Variants in MEF2A observed in about 807,000 individuals in gnomAD.
MEF2A encodes myocyte enhancer factor 2A.
MEF2A carries 28 observed loss-of-function variants against 55.8 expected under a neutral mutation model. That is an observed-to-expected ratio of 0.50 (90% CI 0.37 to 0.69). The LOEUF (loss-of-function observed/expected upper bound fraction) is 0.69, where lower values mean the gene tolerates loss of function less well. Among genes scored for constraint, MEF2A ranks in the 30% least tolerant of loss-of-function variants. MEF2A has a pLI of 0.00. For synonymous variants in MEF2A, 239 were observed against 227.1 expected, an observed-to-expected ratio of 1.05 and a Z score of -0.47; for missense variants, 528 against 626.2, an observed-to-expected ratio of 0.84 and a Z score of 1.67.
chr15:99,710,900 G>A, intron 11 of MEF2A, 140 bp downstream of exon 11: 9 of 1,033,374 alleles, frequency 8.7e-6, no homozygotes, highest in Middle Eastern at 2.3e-4. Flanking sequence ...ACAAGTGTCG[G>A]GAGAAAATAT....
At chr15:99,691,557 G>A (rs2055461314) in intron 8 of MEF2A, among the ~76,000 whole-genome samples, 1 of 152,180 alleles carries the variant, frequency 6.6e-6, no homozygotes, top group Admixed American at 6.5e-5. Flanking sequence ...AATTAGCCGG[G>A]CGTGGTGGCG....
chr15:99,651,852 A>G (rs370693587), intron 4 of MEF2A, among the ~76,000 whole-genome samples: 2 of 152,314 alleles, frequency 1.3e-5, no homozygotes, highest in East Asian at 3.9e-4. Flanking sequence ...TGTCATTGAT[A>G]CACAAATGAG....
At chr15:99,678,188 A>G (rs868652512) in intron 7 of MEF2A, among the ~76,000 whole-genome samples, 1 of 152,162 alleles carries the variant, frequency 6.6e-6, no homozygotes, top group Non-Finnish European at 1.5e-5. Context: ...ATTTAGAATT[A>G]TATTTCTTAA....
chr15:99,671,694 G>T, intron 5 of MEF2A: 1 of 1,494,272 alleles, frequency 6.7e-7, no homozygotes, highest in East Asian at 2.4e-5. Flanking sequence ...TTTATCTTGT[G>T]CATGAAGAGA....
In MEF2A at chr15:99,706,819, C is replaced by A; in HGVS notation, c.973C>A (p.Leu325Ile). 6.2e-7 allele frequency: 1 copy of A among 1,614,058 alleles called. No homozygotes were observed. Among genetic ancestry groups the A allele is most frequent in the Non-Finnish European group, 8.5e-7 (1 of 1,179,910 alleles). ...VTTPSLPPQG[L>I]VYSAMPTAYN... is the part of the protein sequence containing the mutation. ...AACCCCAAGCTTGCCTCCGCAAGGA[C>A]TTGTGTACTCAGCAATGCCGACTGC... Residue 325 changes from leucine (L) to isoleucine (I), a missense_variant, in exon 10 of 12, where the codon CTT (leucine) becomes ATT (isoleucine). This residue lies in a region of MEF2A where 450 missense variants were observed against 475.3 expected (regional missense o/e 0.95). Transcript: ENST00000557942.
At chr15:99,625,055 G>A (rs1457784280) in intron 2 of MEF2A, among the ~76,000 whole-genome samples, 1 of 152,158 alleles carries the variant, frequency 6.6e-6, no homozygotes, top group Middle Eastern at 3.2e-3. Context: ...TAATGTAAGT[G>A]TTCTGAGCAC....
chr15:99,692,692 GA>G (rs2055717051), intron 8 of MEF2A, among the ~76,000 whole-genome samples: 1 of 152,182 alleles, frequency 6.6e-6, no homozygotes, highest in Non-Finnish European at 1.5e-5. Context: ...AGAAGCTCCT[GA>G]AAAGGTCTCG....
At chr15:99,663,881 A>G (rs145600214) in intron 4 of MEF2A, among the ~76,000 whole-genome samples, 147 of 152,274 alleles carry the variant, frequency 9.7e-4, no homozygotes, top group African/African-American at 3.3e-3. Flanking sequence ...GAGGTTTAGT[A>G]TATAAACCAG....
At chr15:99,571,547 T>C (rs1474615586) in intron 1 of MEF2A, among the ~76,000 whole-genome samples, 7 of 152,178 alleles carry the variant, frequency 4.6e-5, no homozygotes, top group Non-Finnish European at 1.0e-4. Flanking sequence ...TTCTATGCCC[T>C]AGTCAAAGCC....
chr15:99,710,812 C>CT, intron 11 of MEF2A, 52 bp downstream of exon 11: 3 of 1,555,086 alleles, frequency 1.9e-6, no homozygotes, highest in Non-Finnish European at 2.6e-6. Flanking sequence ...TACACACTCT[C>CT]TTTTCCTATC....
chr15:99,687,084 C>CTTTTTTTTTTTTTT lies in MEF2A; in HGVS notation c.671-3145_671-3132dup, dbSNP rs71149484. ...ACACCACCATGTCCTATTAATTTTTCTTTTTTTTTTTTTTTTTTTTTTTTT... is the reference window on the plus strand; with the variant it reads ...ACACCACCATGTCCTATTAATTTTTCTTTTTTTTTTTTTTTTTTTTTTTTTTTTTTTTTTTTTTT... On this transcript the variant is annotated intron_variant, in intron 7 of 11. Coordinates refer to ENST00000557942, the MANE Select transcript of MEF2A (RefSeq NM_001319206.4). Among the ~76,000 whole-genome samples the CTTTTTTTTTTTTTT allele has an allele frequency of 1.6e-3, 106 of 67,752 alleles. 6 individuals are homozygous for CTTTTTTTTTTTTTT. The highest frequency in any genetic ancestry group is 1.8e-3 in the Non-Finnish European group (70 of 38,652). 44.4% of individuals were successfully genotyped at this position (67,752 alleles called of 152,430 possible). A position where few individuals can be genotyped will look rare whatever the true frequency, so the allele number is the denominator to read the frequency against.
At chr15:99,695,003 G>A (rs966642546) in intron 8 of MEF2A, among the ~76,000 whole-genome samples, 19 of 149,840 alleles carry the variant, frequency 1.3e-4, no homozygotes, top group Non-Finnish European at 2.1e-4. Flanking sequence ...TTCAGGGGGA[G>A]CAGGCGCTTT....
intron 8 of MEF2A, among the ~76,000 whole-genome samples, chr15:99,695,963 A>G (rs1436942983): frequency 6.6e-6 from 1 of 152,200 alleles, no homozygotes; most frequent in African/African-American, 2.4e-5. Context: ...ACCAAAAAGA[A>G]AGCTAAAGCA....
At chr15:99,629,694 A>C in intron 2 of MEF2A, among the ~76,000 whole-genome samples, 1 of 152,182 alleles carries the variant, frequency 6.6e-6, no homozygotes, top group Non-Finnish European at 1.5e-5. Context: ...TATGAGTTAA[A>C]GAATAAAAGA....
chr15:99,625,577 T>A (rs1303137587), intron 2 of MEF2A, among the ~76,000 whole-genome samples: 3 of 152,190 alleles, frequency 2.0e-5, no homozygotes, highest in Non-Finnish European at 4.4e-5. Context: ...AGGCTTTCAG[T>A]CTTTGATCAT....
chr15:99,605,818 A>T (rs898266460), intron 2 of MEF2A, among the ~76,000 whole-genome samples: 3 of 152,142 alleles, frequency 2.0e-5, no homozygotes, highest in African/African-American at 7.2e-5. Flanking sequence ...AAAAAATACA[A>T]AATTAGCCAG....
chr15:99,649,216 G>A (rs1013451449), intron 4 of MEF2A, among the ~76,000 whole-genome samples: 7 of 152,104 alleles, frequency 4.6e-5, no homozygotes, highest in Non-Finnish European at 1.0e-4. Flanking sequence ...GCAGTGTCTT[G>A]AGGATGTATA....
intron 1 of MEF2A, among the ~76,000 whole-genome samples, chr15:99,591,878 A>G (rs1024622419): frequency 6.6e-6 from 1 of 152,082 alleles, no homozygotes; most frequent in Non-Finnish European, 1.5e-5. Flanking sequence ...AAAATCGTTT[A>G]ATATATTTAT....
chr15:99,647,949 T>G (rs1023672640), intron 4 of MEF2A, among the ~76,000 whole-genome samples: 1 of 152,152 alleles, frequency 6.6e-6, no homozygotes, highest in Admixed American at 6.5e-5. Context: ...GAGATAGGCC[T>G]TTTTTCACAT....
Sources: gnomAD v4.1 joint callset for allele counts (sites outside exome capture counted in the v4.1 genomes callset) on GRCh38, gnomAD v4.1.1 for gene constraint, gnomAD v4.1.1 regional missense constraint, MANE v1.5 for transcripts, NCBI Gene and HGNC (gene_info 2026-07-23, HGNC 2026-07-21) for gene names.